The following GMDS variants were observed in gnomAD, a reference collection of about 807,000 sequenced individuals.
The protein encoded by GMDS is GDP-mannose 4,6 dehydratase.
A neutral mutation model predicts 49.9 loss-of-function variants in GMDS; 20 were observed. The observed-to-expected ratio is 0.40, with a 90% CI of 0.28 to 0.58. GMDS has a LOEUF of 0.58. Among genes scored for constraint, GMDS ranks in the 20% least tolerant of loss-of-function variants. The pLI is 0.42. For synonymous variants in GMDS, 177 were observed against 178.6 expected (o/e 0.99, Z 0.07); for missense variants, 362 against 481.4 (o/e 0.75, Z 2.32).
Position 2,038,386 on chromosome 6 carries a change from G to A in GMDS, c.345+77385C>T, listed in dbSNP as rs570517245. On this transcript the variant is annotated intron_variant, in intron 4 of 10. Transcript: ENST00000380815. The stretch of plus-strand genomic sequence containing the variant: ...CTGGAAAGACTGCCAGAAAAGCCGC[G>A]CTCAAGAATGAATGCAGGCTTGTTT... Among the ~76,000 whole-genome samples, 4 of 152,244 alleles carry A rather than the reference G, an allele frequency of 2.6e-5. No homozygotes were observed. The South Asian group carries it at 6.2e-4, about 24-fold the overall frequency.
chr6:1,781,714 T>C (rs946910162), intron 7 of GMDS, among the ~76,000 whole-genome samples: 3 of 152,230 alleles, frequency 2.0e-5, no homozygotes, highest in African/African-American at 4.8e-5. Flanking sequence ...ACCCTGCTGG[T>C]CATAACTTCC....
intron 4 of GMDS, among the ~76,000 whole-genome samples, chr6:2,023,861 A>C (rs564344096): frequency 6.6e-6 from 1 of 152,342 alleles, no homozygotes; most frequent in African/African-American, 2.4e-5. Context: ...GAGATGCTCC[A>C]AAATGTGCCT....
At chr6:1,960,720 C>T in intron 5 of GMDS, 54 bp downstream of exon 5, 1 of 1,193,594 alleles carries the variant, frequency 8.4e-7, no homozygotes, top group Non-Finnish European at 1.2e-6. Flanking sequence ...CACACACCCC[C>T]CACACCCACA....
chr6:2,124,805 G>A, intron 1 of GMDS, 74 bp from the exon 2 acceptor site: 1 of 1,148,392 alleles, frequency 8.7e-7, no homozygotes. Context: ...GAAGAGTTTT[G>A]AGAAAAGCAT....
chr6:2,004,683 T>C (rs933820807), intron 4 of GMDS, among the ~76,000 whole-genome samples: 1 of 152,106 alleles, frequency 6.6e-6, no homozygotes, highest in African/African-American at 2.4e-5. Flanking sequence ...TTGAGACTTC[T>C]GGAAACAGGA....
chr6:1,803,787 AT>A (rs1336899645), intron 7 of GMDS, among the ~76,000 whole-genome samples: 1 of 152,150 alleles, frequency 6.6e-6, no homozygotes, highest in East Asian at 1.9e-4. Flanking sequence ...TGCTGAAAAT[AT>A]TTGGTTACAC....
chr6:2,147,104 T>C (rs1021556071), intron 1 of GMDS, among the ~76,000 whole-genome samples: 2 of 152,212 alleles, frequency 1.3e-5, no homozygotes, highest in Non-Finnish European at 2.9e-5. Flanking sequence ...ACTTACCCAG[T>C]TGATTCTTAA....
intron 9 of GMDS, among the ~76,000 whole-genome samples, chr6:1,630,694 G>A (rs1762973987): frequency 6.6e-6 from 1 of 152,206 alleles, no homozygotes; most frequent in Non-Finnish European, 1.5e-5. Context: ...CTATTTACAA[G>A]GTGCTGCGTC....
intron 1 of GMDS, among the ~76,000 whole-genome samples, chr6:2,189,072 T>C (rs879417118): frequency 3.3e-5 from 5 of 152,096 alleles, no homozygotes; most frequent in African/African-American, 1.2e-4. Context: ...TGGAGAACAC[T>C]GAATCCAGTA....
At chr6:2,045,435 T>C (rs1769942893) in intron 4 of GMDS, among the ~76,000 whole-genome samples, 3 of 151,784 alleles carry the variant, frequency 2.0e-5, no homozygotes, top group African/African-American at 7.3e-5. Flanking sequence ...TAATTAGCTG[T>C]TTTTTTCTTT....
intron 1 of GMDS, among the ~76,000 whole-genome samples, chr6:2,202,405 G>T (rs2127577234): frequency 6.7e-6 from 1 of 150,156 alleles, no homozygotes; most frequent in Admixed American, 6.7e-5. Flanking sequence ...AGTAAGCACA[G>T]TCGAGTAAGA....
chr6:2,153,291 TAAG>T (rs1239841143), intron 1 of GMDS, among the ~76,000 whole-genome samples: 25 of 152,102 alleles, frequency 1.6e-4, no homozygotes, highest in Admixed American at 3.3e-4. Flanking sequence ...GGGAATATTT[TAAG>T]AAGGACACAA....
chr6:1,819,340 C>A (rs1386649739), intron 7 of GMDS, among the ~76,000 whole-genome samples: 1 of 152,158 alleles, frequency 6.6e-6, no homozygotes, highest in Admixed American at 6.5e-5. Context: ...TTTTAATAAA[C>A]TCAAATGTTT....
chr6:1,834,185 A>T (rs1273274567), intron 7 of GMDS, among the ~76,000 whole-genome samples: 5 of 152,226 alleles, frequency 3.3e-5, no homozygotes, highest in African/African-American at 1.2e-4. Context: ...TATCAAGAAA[A>T]TAAAAGCTAT....
intron 9 of GMDS, among the ~76,000 whole-genome samples, chr6:1,708,522 CA>C (rs138119776): frequency 0.013 from 1,939 of 152,336 alleles, 47 homozygotes; most frequent in African/African-American, 0.045. Context: ...GGTGTAGCTC[CA>C]AAGAATGGAT....
intron 9 of GMDS, among the ~76,000 whole-genome samples, chr6:1,663,182 CA>C (rs1764134860): frequency 1.3e-5 from 2 of 152,160 alleles, no homozygotes; most frequent in African/African-American, 4.8e-5. Flanking sequence ...CTAGAACATG[CA>C]CTGATAAGGA....
At chr6:1,794,772 A>G (rs1561809604) in intron 7 of GMDS, among the ~76,000 whole-genome samples, 1 of 152,244 alleles carries the variant, frequency 6.6e-6, no homozygotes. Flanking sequence ...CCAAATATAT[A>G]AAAATCATAT....
chr6:2,145,355 T>C (rs1179235545), intron 1 of GMDS, among the ~76,000 whole-genome samples: 2 of 151,692 alleles, frequency 1.3e-5, no homozygotes, highest in African/African-American at 4.8e-5. Flanking sequence ...GCCAACAGGG[T>C]GAAACCCCAT....
chr6:2,110,291 A>G (rs1774474880), intron 4 of GMDS, among the ~76,000 whole-genome samples: 1 of 137,480 alleles, frequency 7.3e-6, no homozygotes, highest in South Asian at 2.4e-4. Context: ...CTGGGGACGA[A>G]TATGGGGGTC....
Sources: allele counts gnomAD v4.1 joint callset (sites outside exome capture counted in the v4.1 genomes callset), GRCh38; gene constraint gnomAD v4.1.1; transcripts MANE v1.5; gene names NCBI Gene and HGNC (gene_info 2026-07-23, HGNC 2026-07-21).